E4F1: variants seen among roughly 807,000 people sequenced by gnomAD.
E4F1 encodes transcription factor E4F1.
In E4F1, 30 loss-of-function variants were observed where a neutral mutation model predicts 72.9. The observed-to-expected ratio is 0.41, with a 90% CI of 0.31 to 0.56. E4F1 has a LOEUF of 0.56. Among genes scored for constraint, E4F1 ranks in the 20% least tolerant of loss-of-function variants. The probability of loss-of-function intolerance (pLI) is 0.25; values close to 1 mark genes in which losing one functional copy is unlikely to be tolerated. For missense variants in E4F1, 1,091 were observed against 1,117.5 expected (o/e 0.98, Z 0.34); for synonymous variants, 542 against 478.2 (o/e 1.13, Z -1.74).
intron 13 of E4F1, 22 bp from the exon 14 acceptor site, chr16:2,235,194 T>C: frequency 6.2e-7 from 1 of 1,609,910 alleles, no homozygotes; most frequent in East Asian, 2.2e-5. Context: ...ACAGCCGCTC[T>C]TGCTGAGCCG....
At chr16:2,235,059 G>T (rs866733382) in intron 12 of E4F1, 22 bp from the exon 13 acceptor site, 2 of 1,612,218 alleles carry the variant, frequency 1.2e-6, no homozygotes, top group African/African-American at 1.3e-5. Flanking sequence ...GCTGACCTCT[G>T]TCCTTCTGCC....
chr16:2,232,134 G>C (rs1214972552), intron 3 of E4F1, 37 bp from the exon 4 acceptor site: 1 of 1,602,530 alleles, frequency 6.2e-7, no homozygotes, highest in Non-Finnish European at 8.5e-7. Context: ...CTGGACAGGG[G>C]CAGGTCCTGG....
In E4F1 at chr16:2,233,983, C is replaced by T. The variant is rs748400100; in HGVS notation, c.1368C>T (p.Gly456=). ...TAATLEAHKR[G]HTGPRPFACA... ...CCACCCTGGAGGCCCACAAGAGGGG[C>T]CACACCGGTAGGTGATGGGTGGGTG... Residue 456 remains glycine, a synonymous_variant, in exon 9 of 14, where the codon GGC becomes GGT. Transcript: ENST00000301727. The T allele has an allele frequency of 1.3e-6, 2 of 1,591,358 alleles. No individual in the cohort carries two copies. Among genetic ancestry groups the T allele is most frequent in the Admixed American group, 1.8e-5 (1 of 56,972 alleles).
At chr16:2,229,187 T>C (rs143029764) in intron 2 of E4F1, among the ~76,000 whole-genome samples, 1,598 of 152,188 alleles carry the variant, frequency 0.011, 18 homozygotes, top group African/African-American at 0.036. Context: ...GGCCCACACC[T>C]CCAGGGCCCT....
Position 2,235,212 on chromosome 16 carries a change from G to A in E4F1, c.1999-4G>A, listed in dbSNP as rs903896479. On this transcript the variant is annotated splice_polypyrimidine_tract_variant and splice_region_variant and intron_variant, in intron 13 of 13. Coordinates refer to ENST00000301727, the MANE Select transcript of E4F1 (RefSeq NM_004424.5). ...GCCGCTCTTGCTGAGCCGTGGCCCT[G>A]CAGGTGGACAGCCACATCATGAAGG... 11 of 1,609,104 alleles carry A rather than the reference G, an allele frequency of 6.8e-6. No homozygotes were observed. The highest frequency in any genetic ancestry group is 1.1e-5 in the South Asian group (1 of 91,004).
intron 3 of E4F1, chr16:2,231,859 TTCGCACG>T (rs1286649930): frequency 2.9e-6 from 1 of 347,844 alleles, no homozygotes. Flanking sequence ...GTCACCAGGA[TTCGCACG>T]TCCTCCTGGC....
chr16:2,227,790 C>G (rs1183987275), intron 1 of E4F1, among the ~76,000 whole-genome samples: 1 of 151,938 alleles, frequency 6.6e-6, no homozygotes, highest in Non-Finnish European at 1.5e-5. Context: ...TGTGAGCCAC[C>G]ACACCCAGCC....
Position 2,235,412 on chromosome 16 carries a change from G to A in E4F1, c.2195G>A (p.Ser732Asn). The change falls in exon 14 of 14, where the codon AGC (serine) becomes AAC (asparagine). Residue 732 changes from serine (S) to asparagine (N), a missense_variant. Physicochemically the swap from Ser to Asn is conservative, Grantham distance 46. This residue lies in a region of E4F1 where 622 missense variants were observed against 628.0 expected (regional missense o/e 0.99). Coordinates refer to ENST00000301727, the MANE Select transcript of E4F1 (RefSeq NM_004424.5). ...QVAMTLASAI[S>N]EGTVLAARAG... ...GCCATGACGCTGGCCTCGGCCATCA[G>A]CGAGGGCACTGTGCTTGCCGCCCGG... 6.2e-7 allele frequency: 1 copy of A among 1,612,214 alleles called. No homozygotes were observed.
chr16:2,224,386 A>G (rs2093418670), intron 1 of E4F1, among the ~76,000 whole-genome samples: 1 of 152,220 alleles, frequency 6.6e-6, no homozygotes, highest in South Asian at 2.1e-4. Flanking sequence ...GTAATGTAAC[A>G]AGCCCTTATC....
In E4F1 at chr16:2,233,065, A is replaced by T. The variant is rs1283343710; in HGVS notation, c.938A>T (p.Glu313Val). 1 of 1,611,884 alleles carries T rather than the reference A, an allele frequency of 6.2e-7. No homozygotes were observed. The highest frequency in any genetic ancestry group is 8.5e-7 in the Non-Finnish European group (1 of 1,179,080). ...LGTATSSVTG[E>V]PIETSPVIHL... ...ACAGCCACATCATCGGTGACAGGCG[A>T]GCCTATAGAGACTTCACCCGTGATT... Residue 313 changes from glutamate to valine, a missense_variant, in exon 7 of 14, where the codon GAG becomes GTG. Transcript: ENST00000301727.
intron 3 of E4F1, chr16:2,231,967 G>C (rs902892091): frequency 4.6e-5 from 29 of 625,986 alleles, no homozygotes; most frequent in Admixed American, 3.7e-4. Flanking sequence ...TGACAGAGTC[G>C]GGAGGTGTCT....
At chr16:2,233,702 C>T in intron 8 of E4F1, 55 bp downstream of exon 8, 1 of 1,507,536 alleles carries the variant, frequency 6.6e-7, no homozygotes, top group Non-Finnish European at 8.9e-7. Context: ...CAGGGGCTGT[C>T]CCCACGCTGG....
At position 2,234,913 on chromosome 16, in the gene E4F1, C is replaced by T. The variant is rs1359655303; in HGVS notation, c.1847C>T (p.Ala616Val). ...CTGGTGTCTGAGGACAGCCCCGCGG[C>T]AGCCACCACCGTCCTCACGGAAGAC... is the stretch of plus-strand genomic sequence containing the variant. ...ELLVSEDSPA[A>V]ATTVLTEDPH... The change falls in exon 12 of 14, where the codon GCA (alanine) becomes GTA (valine). Residue 616 changes from alanine (A) to valine (V), a missense_variant. Ala to Val is a moderately conservative substitution (Grantham distance 64, BLOSUM62 0). Around this residue, in one of 5 missense-constraint regions of E4F1, gnomAD observed 622 missense variants for 628.0 expected, o/e 0.99. Transcript: ENST00000301727. 4 of 1,554,336 alleles carry T rather than the reference C, an allele frequency of 2.6e-6. No individual in the cohort carries two copies. Among genetic ancestry groups the T allele is most frequent in the South Asian group, 1.2e-5 (1 of 84,734 alleles).
chr16:2,235,365 C>T lies in E4F1; in HGVS notation c.2148C>T (p.Pro716=), dbSNP rs574295861. 75 of 1,609,960 alleles carry T rather than the reference C, an allele frequency of 4.7e-5. No individual in the cohort carries two copies. In the East Asian group the frequency reaches 1.1e-3, roughly 23 times the overall value. ...CCGACACCATCACCATCGCCACCCC[C>T]GAGAGCCTGACAGAGCAGGTGGCCA... ...AAADTITIAT[P]ESLTEQVAMT... Residue 716 remains proline (P), a synonymous_variant, in exon 14 of 14, where the codon CCC becomes CCT. Transcript: ENST00000301727.
rs2093498932 is a variant in E4F1, at chr16:2,235,145, T to G, written c.1998+2T>G. 1.9e-6 allele frequency: 3 copies of G among 1,599,882 alleles called. No individual in the cohort carries two copies. The highest frequency in any genetic ancestry group is 2.8e-5 in the African/African-American group (2 of 70,724). ...ATCATCGAGGGCACCCAGACAGAGG[T>G]GAGGGGTAGGGCAGGCGGGGGCGGG... On this transcript the variant is annotated splice_donor_variant, in intron 13 of 13. Transcript: ENST00000301727. LOFTEE classifies it high-confidence loss of function.
At chr16:2,230,754 C>T (rs1435459188) in intron 3 of E4F1, 1 of 151,324 alleles carries the variant, frequency 6.6e-6, no homozygotes, top group Non-Finnish European at 1.5e-5. Context: ...CCTGGCATTC[C>T]TGCGACCAAG....
chr16:2,223,940 A>G (rs1220970954), intron 1 of E4F1, 170 bp downstream of exon 1: 1 of 1,526,928 alleles, frequency 6.5e-7, no homozygotes, highest in Non-Finnish European at 8.7e-7. Flanking sequence ...GTTTGCTGCG[A>G]CCCTCACGGG....
At chr16:2,227,526 C>T (rs927414373) in intron 1 of E4F1, among the ~76,000 whole-genome samples, 4 of 152,182 alleles carry the variant, frequency 2.6e-5, no homozygotes, top group African/African-American at 9.7e-5. Flanking sequence ...CACCTGCCAC[C>T]ATGCCTGGCT....
rs1397442860 is a variant in E4F1, at chr16:2,228,372, A to G, written c.158A>G (p.Asp53Gly). ...CCTGCTGACAGCAGGCTCGTTGCAGATGAGGACGATGTGCACAGATGCGGC... is the reference window on the plus strand; with the variant it reads ...CCTGCTGACAGCAGGCTCGTTGCAGGTGAGGACGATGTGCACAGATGCGGC... ...LGLPAPFSEEDEDDVHRCGRC... is the reference protein window; with the variant it reads ...LGLPAPFSEEGEDDVHRCGRC... The change falls in exon 2 of 14, where the codon GAT (aspartate) becomes GGT (glycine). Residue 53 changes from aspartate to glycine, a missense_variant and splice_region_variant. Transcript: ENST00000301727. 6.2e-7 allele frequency: 1 copy of G among 1,613,554 alleles called. No individual in the cohort carries two copies. The highest frequency in any genetic ancestry group is 1.3e-5 in the African/African-American group (1 of 74,932).
Sources: gnomAD v4.1 joint callset for allele counts (sites outside exome capture counted in the v4.1 genomes callset) on GRCh38, gnomAD v4.1.1 for gene constraint, gnomAD v4.1.1 regional missense constraint, MANE v1.5 for transcripts, NCBI Gene and HGNC (gene_info 2026-07-23, HGNC 2026-07-21) for gene names.